Variants in GPRC5B observed in about 807,000 individuals in gnomAD.
GPRC5B encodes G protein-coupled receptor family C group 5 member B.
GPRC5B carries 16 observed loss-of-function variants against 30.1 expected under a neutral mutation model. The observed-to-expected ratio is 0.53, with a 90% CI of 0.36 to 0.81. GPRC5B has a LOEUF of 0.81. Among genes scored for constraint, GPRC5B ranks in the 30% least tolerant of loss-of-function variants. The pLI, the probability that GPRC5B is intolerant of heterozygous loss-of-function variation, is 0.01. For synonymous variants in GPRC5B, 241 were observed against 239.5 expected (o/e 1.01, Z -0.06); for missense variants, 428 against 544.7 (o/e 0.79, Z 2.13).
intron 1 of GPRC5B, among the ~76,000 whole-genome samples, chr16:19,881,653 A>C (rs1250150453): frequency 6.6e-6 from 1 of 152,160 alleles, no homozygotes; most frequent in African/African-American, 2.4e-5. Flanking sequence ...GTGGTGGTGC[A>C]CACCTGTAAT....
At chr16:19,885,301 A>C, upstream of GPRC5B, 2 of 1,259,762 alleles carry the variant, frequency 1.6e-6, no homozygotes, top group African/African-American at 3.1e-5. The surrounding 1 kb of genome is among the most constrained non-coding windows in gnomAD (Gnocchi z 5.3). Context: ...TCCCCGAAAC[A>C]CACCAGCACC....
chr16:19,871,997 G>A lies in GPRC5B; in HGVS notation c.849C>T (p.Phe283=), dbSNP rs768583748. Residue 283 remains phenylalanine, a synonymous_variant, in exon 2 of 4, where the codon TTC becomes TTT. Transcript: ENST00000300571. ...AITLAASGWV[F]VIFHAIPEIH... ...TCTCAGGGATGGCGTGGAAGATGAC[G>A]AAGACCCAGCCGCTGGCCGCCAGCG... 14 of 1,613,964 alleles carry A rather than the reference G, an allele frequency of 8.7e-6. No homozygotes were observed. Among genetic ancestry groups the A allele is most frequent in the Middle Eastern group, 1.6e-4 (1 of 6,084 alleles).
intron 1 of GPRC5B, among the ~76,000 whole-genome samples, chr16:19,874,546 CA>C (rs2056746589): frequency 6.6e-6 from 1 of 152,228 alleles, no homozygotes; most frequent in Admixed American, 6.5e-5. Context: ...AAGGCTCCTT[CA>C]GTCTTGGCAC....
In GPRC5B at chr16:19,860,491, TAAAGTCTTTCACC is replaced by T; in HGVS notation, c.1208_*8del. 1.9e-6 allele frequency: 3 copies of T among 1,560,856 alleles called. No homozygotes were observed. The highest frequency in any genetic ancestry group is 2.7e-6 in the Non-Finnish European group (3 of 1,131,798). On this transcript the variant is annotated stop_lost and 3_prime_UTR_variant, in exon 4 of 4. Coordinates refer to ENST00000300571, the MANE Select transcript of GPRC5B (RefSeq NM_016235.3). ...AGAGAAATTCTGATTCTCTGGAACT[TAAAGTCTTTCACC>T]AAAGGTGTCTTCCTGTGTGACTTGG... is the stretch of plus-strand genomic sequence containing the variant.
Position 19,872,225 on chromosome 16 carries a change from G to A in GPRC5B, c.621C>T (p.Asp207=), listed in dbSNP as rs2056726277. The part of the protein sequence containing the change: ...PMDFVMALIY[D]MVLLVVTLGL... The stretch of plus-strand genomic sequence containing the variant: ...CCAGGGTGACCACAAGCAGTACCAT[G>A]TCGTAGATGAGGGCCATCACAAAGT... The change falls in exon 2 of 4, where the codon GAC becomes GAT. Residue 207 remains aspartate, a synonymous_variant. Transcript: ENST00000300571. The surrounding 1 kb of genome is among the most constrained non-coding windows in gnomAD (Gnocchi z 5.0). 1 of 1,614,204 alleles carries A rather than the reference G, an allele frequency of 6.2e-7. No individual in the cohort carries two copies. Among genetic ancestry groups the A allele is most frequent in the Non-Finnish European group, 8.5e-7 (1 of 1,180,034 alleles).
chr16:19,859,125 G>C lies in GPRC5B; in HGVS notation c.*1375C>G, dbSNP rs568938243. 6.5e-6 allele frequency: 1 copy of C among 152,772 alleles called. No homozygotes were observed. The allele number at this position is 152,772 out of a possible 1,614,324, so 9.5% of individuals were successfully genotyped here. ...GTAGTTTTATAGAAAAAGCAATGTA[G>C]TGATTAGAGTATCTGCAGAAGGACC... is the stretch of plus-strand genomic sequence containing the variant. On this transcript the variant is annotated 3_prime_UTR_variant, in exon 4 of 4. Transcript: ENST00000300571.
intron 2 of GPRC5B, among the ~76,000 whole-genome samples, chr16:19,865,731 T>C (rs561350084): frequency 6.6e-6 from 1 of 152,256 alleles, no homozygotes; most frequent in South Asian, 2.1e-4. Flanking sequence ...AGGCAGAATA[T>C]TCACCAGCTG....
chr16:19,863,675 G>C (rs901725137), intron 2 of GPRC5B, among the ~76,000 whole-genome samples: 3 of 151,798 alleles, frequency 2.0e-5, no homozygotes, highest in South Asian at 2.1e-4. Context: ...GCTAATTTTT[G>C]TGTTTTTAGT....
At chr16:19,863,221 G>A (rs1191250737) in intron 2 of GPRC5B, among the ~76,000 whole-genome samples, 1 of 150,768 alleles carries the variant, frequency 6.6e-6, no homozygotes, top group African/African-American at 2.4e-5. Flanking sequence ...GCAGTGGCAC[G>A]ATCATAGCTC....
chr16:19,883,452 G>A (rs994398834), intron 1 of GPRC5B, among the ~76,000 whole-genome samples: 1 of 152,254 alleles, frequency 6.6e-6, no homozygotes, highest in Admixed American at 6.5e-5. Flanking sequence ...TCATTTGCAT[G>A]CAGTTTAACT....
At chr16:19,884,077 G>A (rs1273865467) in intron 1 of GPRC5B, among the ~76,000 whole-genome samples, 3 of 148,646 alleles carry the variant, frequency 2.0e-5, no homozygotes, top group South Asian at 4.3e-4. Context: ...GAAGGGAAAC[G>A]CCACTGCCCC....
At position 19,871,949 on chromosome 16, in the gene GPRC5B, G is replaced by A; in HGVS notation, c.897C>T (p.Ala299=). Residue 299 remains alanine (A), a synonymous_variant, in exon 2 of 4, where the codon GCC becomes GCT. Transcript: ENST00000300571. ...IPEIHCTLLP[A]LQENTPNYFD... is the part of the protein sequence containing the mutation. The stretch of plus-strand genomic sequence containing the variant: ...AGTAGTTGGGCGTGTTCTCCTGCAG[G>A]GCTGGCAGAAGGGTGCAGTGGATCT... The A allele has an allele frequency of 6.2e-7, 1 of 1,614,076 alleles. No individual in the cohort carries two copies. Among genetic ancestry groups the A allele is most frequent in the Non-Finnish European group, 8.5e-7 (1 of 1,180,022 alleles).
chr16:19,872,000 G>A lies in GPRC5B; in HGVS notation c.846C>T (p.Val282=). ...CAGGGATGGCGTGGAAGATGACGAA[G>A]ACCCAGCCGCTGGCCGCCAGCGTGA... ...LAITLAASGW[V]FVIFHAIPEI... is the part of the protein sequence containing the mutation. The change falls in exon 2 of 4, where the codon GTC becomes GTT. Residue 282 remains valine, a synonymous_variant. Coordinates refer to ENST00000300571, the MANE Select transcript of GPRC5B (RefSeq NM_016235.3). 6.2e-7 allele frequency: 1 copy of A among 1,614,114 alleles called. No homozygotes were observed. The highest frequency in any genetic ancestry group is 1.1e-5 in the South Asian group (1 of 91,082).
At chr16:19,876,324 A>G (rs537854135) in intron 1 of GPRC5B, among the ~76,000 whole-genome samples, 1 of 152,244 alleles carries the variant, frequency 6.6e-6, no homozygotes, top group Admixed American at 6.5e-5. Context: ...GCTGCCAAAC[A>G]TCCTACAATA....
At chr16:19,869,338 A>AAG (rs1342278220) in intron 2 of GPRC5B, among the ~76,000 whole-genome samples, 68 of 151,328 alleles carry the variant, frequency 4.5e-4, no homozygotes, top group African/African-American at 1.6e-3. Flanking sequence ...TGCCTCAAAA[A>AAG]AAAAAAAAAA....
intron 2 of GPRC5B, among the ~76,000 whole-genome samples, chr16:19,870,702 C>A (rs926145853): frequency 6.6e-6 from 1 of 152,162 alleles, no homozygotes; most frequent in Non-Finnish European, 1.5e-5. Flanking sequence ...TTGGGGGAGC[C>A]AGGGAATTAA....
intron 1 of GPRC5B, among the ~76,000 whole-genome samples, chr16:19,879,002 G>A (rs1226402394): frequency 2.0e-5 from 3 of 152,156 alleles, no homozygotes; most frequent in Non-Finnish European, 2.9e-5. Flanking sequence ...ACGTATAGCA[G>A]CGAGAGCCGG....
At position 19,860,106 on chromosome 16, in the gene GPRC5B, G is replaced by C. The variant is rs2056608663; in HGVS notation, c.*394C>G. 5.2e-6 allele frequency: 1 copy of C among 192,462 alleles called. No individual in the cohort carries two copies. Among genetic ancestry groups the C allele is most frequent in the Non-Finnish European group, 1.1e-5 (1 of 94,690 alleles). The allele number at this position is 192,462 out of a possible 1,614,324, so 11.9% of individuals were successfully genotyped here. Reference sequence around the variant, plus strand: ...CACTTGCTGGGGAGAGGTGATAAGAGTGGGAGCCCCCCACCTCCAACCAAC... The same window carrying C: ...CACTTGCTGGGGAGAGGTGATAAGACTGGGAGCCCCCCACCTCCAACCAAC... On this transcript the variant is annotated 3_prime_UTR_variant, in exon 4 of 4. Coordinates refer to ENST00000300571, the MANE Select transcript of GPRC5B (RefSeq NM_016235.3).
At chr16:19,865,417 T>A (rs911412790) in intron 2 of GPRC5B, among the ~76,000 whole-genome samples, 1 of 152,048 alleles carries the variant, frequency 6.6e-6, no homozygotes, top group Non-Finnish European at 1.5e-5. Context: ...ATCAAAAGGT[T>A]CTTGAAAACT....
Sources: allele counts gnomAD v4.1 joint callset (sites outside exome capture counted in the v4.1 genomes callset), GRCh38; gene constraint gnomAD v4.1.1; non-coding constraint Gnocchi (gnomAD v3.1); transcripts MANE v1.5; gene names NCBI Gene and HGNC (gene_info 2026-07-23, HGNC 2026-07-21).